The following FER variants were observed in gnomAD, a reference collection of about 807,000 sequenced individuals.
FER encodes tyrosine-protein kinase Fer.
Under a neutral mutation model 111.0 loss-of-function variants are expected in FER, and 63 were observed. The ratio of observed to expected loss-of-function variants is 0.57; its 90% CI spans 0.46 to 0.70. The LOEUF (loss-of-function observed/expected upper bound fraction) is 0.70, where lower values mean the gene tolerates loss of function less well. Among genes scored for constraint, FER ranks in the 30% least tolerant of loss-of-function variants. FER has a pLI of 0.00. For synonymous variants in FER, 327 were observed against 313.9 expected (o/e 1.04, Z -0.44); for missense variants, 914 against 954.0 (o/e 0.96, Z 0.55).
intron 2 of FER, among the ~76,000 whole-genome samples, chr5:108,788,237 C>T (rs1754964536): frequency 6.6e-6 from 1 of 152,224 alleles, no homozygotes. Context: ...TGCACAGAGC[C>T]AGCGCCTGTG....
At chr5:109,014,948 G>A (rs889228393) in intron 13 of FER, 1 of 151,992 alleles carries the variant, frequency 6.6e-6, no homozygotes, top group African/African-American at 2.4e-5. Context: ...CACTATGTTT[G>A]CTTTTAAAGT....
At chr5:109,171,881 A>G (rs1015150697) in intron 17 of FER, among the ~76,000 whole-genome samples, 2 of 152,210 alleles carry the variant, frequency 1.3e-5, no homozygotes, top group African/African-American at 2.4e-5. Context: ...GTAAAATTTG[A>G]TATGTTCATC....
At chr5:108,972,417 GATAT>G (rs1760781875) in intron 13 of FER, among the ~76,000 whole-genome samples, 1 of 152,100 alleles carries the variant, frequency 6.6e-6, no homozygotes, top group Non-Finnish European at 1.5e-5. Context: ...CTCGCATGAT[GATAT>G]TTTCATTATT....
intron 17 of FER, among the ~76,000 whole-genome samples, chr5:109,174,887 G>A (rs1427986111): frequency 3.3e-5 from 5 of 152,142 alleles, no homozygotes; most frequent in Admixed American, 2.0e-4. Context: ...CTGGAGCTGC[G>A]CTGCTGGGAT....
chr5:108,966,129 C>T (rs1759779369), intron 13 of FER, among the ~76,000 whole-genome samples: 1 of 152,136 alleles, frequency 6.6e-6, no homozygotes, highest in African/African-American at 2.4e-5. Context: ...ATAAGCCTAC[C>T]TCAGACTTTC....
intron 10 of FER, among the ~76,000 whole-genome samples, chr5:108,933,475 C>T (rs970458138): frequency 1.3e-5 from 2 of 152,114 alleles, no homozygotes; most frequent in Non-Finnish European, 2.9e-5. Context: ...GTACCAGTAC[C>T]ATGCTGTTTT....
At chr5:108,949,501 C>A (rs771453077) in intron 11 of FER, among the ~76,000 whole-genome samples, 2 of 151,996 alleles carry the variant, frequency 1.3e-5, no homozygotes, top group Non-Finnish European at 2.9e-5. Flanking sequence ...GAATCACTTG[C>A]AGTATTACAT....
At chr5:108,977,809 A>G (rs557246918) in intron 13 of FER, among the ~76,000 whole-genome samples, 13 of 152,238 alleles carry the variant, frequency 8.5e-5, no homozygotes, top group African/African-American at 2.9e-4. Context: ...GCCTTCAGCA[A>G]TGTGGGTCAG....
chr5:108,876,882 C>CT (rs1265948420), intron 8 of FER, among the ~76,000 whole-genome samples: 2 of 152,132 alleles, frequency 1.3e-5, no homozygotes, highest in Non-Finnish European at 2.9e-5. Context: ...CATTAAGAGA[C>CT]TTGCATTACG....
intron 17 of FER, among the ~76,000 whole-genome samples, chr5:109,144,618 G>GT (rs1336867124): frequency 6.6e-6 from 1 of 152,034 alleles, no homozygotes; most frequent in Admixed American, 6.6e-5. Context: ...GTTTTCTTTG[G>GT]TTTGGTTTGA....
At chr5:109,048,978 T>C (rs915310675) in intron 16 of FER, among the ~76,000 whole-genome samples, 16 of 152,318 alleles carry the variant, frequency 1.1e-4, no homozygotes, top group African/African-American at 3.6e-4. Flanking sequence ...ACTTTATTTG[T>C]GGATAGTTTG....
At position 109,068,961 on chromosome 5, in the gene FER, A is replaced by C. The variant is rs1350490136; in HGVS notation, c.1924+21763A>C. On this transcript the variant is annotated intron_variant, in intron 16 of 19. Transcript: ENST00000281092. ...AACTCAGTAATTTCACAGCAGTAGTAGTCGCCCATTTTGGCTTAGTCCAAA... is the reference window on the plus strand; with the variant it reads ...AACTCAGTAATTTCACAGCAGTAGTCGTCGCCCATTTTGGCTTAGTCCAAA... 3.3e-5 allele frequency among the ~76,000 whole-genome samples: 5 copies of C among 152,350 alleles called. No homozygotes were observed. In the East Asian group the frequency reaches 9.6e-4, roughly 29 times the overall value.
At position 109,194,485 on chromosome 5, in the gene FER, G is replaced by A. The variant is rs576343384; in HGVS notation, c.*6910G>A. On this transcript the variant is annotated 3_prime_UTR_variant, in exon 20 of 20. Transcript: ENST00000281092. Reference sequence around the variant, plus strand: ...ATTTGCTAAGAATCAGAATAAGCACGTTGTAAATAGTATCCAAAGCAGATT... The same window carrying A: ...ATTTGCTAAGAATCAGAATAAGCACATTGTAAATAGTATCCAAAGCAGATT... The A allele has an allele frequency of 1.3e-5, 2 of 152,138 alleles. No homozygotes were observed. The highest frequency in any genetic ancestry group is 2.1e-4 in the South Asian group (1 of 4,834). The allele number at this position is 152,138 out of a possible 1,614,324, so 9.4% of individuals were successfully genotyped here. A position where few individuals can be genotyped will look rare whatever the true frequency, so the allele number is the denominator to read the frequency against.
intron 17 of FER, among the ~76,000 whole-genome samples, chr5:109,174,346 T>A (rs2126816868): frequency 6.6e-6 from 1 of 152,334 alleles, no homozygotes. Context: ...CAGAAGAAGC[T>A]GGCTAGCCAT....
intron 3 of FER, among the ~76,000 whole-genome samples, chr5:108,803,100 G>A (rs529903432): frequency 3.3e-5 from 5 of 152,190 alleles, no homozygotes; most frequent in Admixed American, 2.0e-4. Context: ...AATTAATGAC[G>A]TTGAGCATTT....
chr5:108,773,210 G>T (rs373014120), intron 2 of FER, among the ~76,000 whole-genome samples: 29 of 152,144 alleles, frequency 1.9e-4, no homozygotes, highest in African/African-American at 6.0e-4. Context: ...TAAGCTCAGG[G>T]TTACATGTGC....
intron 10 of FER, among the ~76,000 whole-genome samples, chr5:108,910,395 G>A (rs1334986679): frequency 2.0e-5 from 3 of 152,044 alleles, no homozygotes; most frequent in Admixed American, 6.6e-5. Context: ...TGACTTTCAG[G>A]TGAAACACCA....
intron 2 of FER, among the ~76,000 whole-genome samples, chr5:108,773,294 G>T (rs1471678920): frequency 6.6e-6 from 1 of 151,964 alleles, no homozygotes; most frequent in Non-Finnish European, 1.5e-5. Flanking sequence ...CATCACCTAG[G>T]TATTAAGCCC....
chr5:109,181,235 A>G (rs552582763), intron 18 of FER, among the ~76,000 whole-genome samples: 330 of 152,294 alleles, frequency 2.2e-3, no homozygotes, highest in Non-Finnish European at 2.9e-3. Flanking sequence ...AATGTCTTAT[A>G]ATTGGTCCAA....
Sources: allele counts gnomAD v4.1 joint callset (sites outside exome capture counted in the v4.1 genomes callset), GRCh38; gene constraint gnomAD v4.1.1; transcripts MANE v1.5; gene names NCBI Gene and HGNC (gene_info 2026-07-23, HGNC 2026-07-21).